The following FAM185A variants were observed in gnomAD, a reference collection of about 807,000 sequenced individuals.
FAM185A encodes the protein family with sequence similarity 185 member A, also known as protein FAM185A.
A neutral mutation model predicts 45.7 loss-of-function variants in FAM185A; 21 were observed. That is an observed-to-expected ratio of 0.46 (90% CI 0.33 to 0.66). The LOEUF (loss-of-function observed/expected upper bound fraction) is 0.66. FAM185A is among the 30% of genes least tolerant of loss of function. FAM185A has a pLI of 0.03. For synonymous variants in FAM185A, 117 were observed against 194.0 expected (o/e 0.60, Z 3.30); for missense variants, 305 against 485.4 (o/e 0.63, Z 3.49).
intron 4 of FAM185A, among the ~76,000 whole-genome samples, chr7:102,763,693 G>A (rs990708509): frequency 2.0e-5 from 3 of 152,190 alleles, no homozygotes; most frequent in African/African-American, 7.2e-5. Flanking sequence ...CCCAAAGACG[G>A]CTGACAGCTG....
chr7:102,826,725 A>T, the FAM185A span, among the ~76,000 whole-genome samples: 274 of 4,822 alleles, frequency 0.057, 2 homozygotes, highest in African/African-American at 0.19. Flanking sequence ...ACCCTGTCTC[A>T]TATATATATA....
chr7:102,833,899 C>A, the FAM185A span, among the ~76,000 whole-genome samples: 1 of 151,700 alleles, frequency 6.6e-6, no homozygotes, highest in Non-Finnish European at 1.5e-5. Flanking sequence ...TGATAAGAAT[C>A]CATGAGGAAA....
At chr7:102,772,385 A>C in intron 4 of FAM185A, 24 bp from the exon 5 acceptor site, 1 of 1,499,726 alleles carries the variant, frequency 6.7e-7, no homozygotes, top group East Asian at 2.5e-5. Context: ...CTAGTACATA[A>C]AAGTATCTTT....
Position 102,749,670 on chromosome 7 carries a change from G to A in FAM185A, c.451+12G>A, listed in dbSNP as rs1584262846. On this transcript the variant is annotated intron_variant, in intron 1 of 7. Coordinates refer to ENST00000413034, the MANE Select transcript of FAM185A (RefSeq NM_001145268.2). ...GCCCCTGAAGTTTGGCAAGTGAAGTGAAGTGAAAACGGGTTTGGGTCCCAG... is the reference window on the plus strand; with the variant it reads ...GCCCCTGAAGTTTGGCAAGTGAAGTAAAGTGAAAACGGGTTTGGGTCCCAG... 3 of 1,474,732 alleles carry A rather than the reference G, an allele frequency of 2.0e-6. No homozygotes were observed. In the East Asian group the frequency reaches 7.4e-5, roughly 36 times the overall value. The allele number at this position is 1,474,732 out of a possible 1,614,324, so 91.4% of individuals were successfully genotyped here. A position where few individuals can be genotyped will look rare whatever the true frequency, so the allele number is the denominator to read the frequency against.
chr7:102,828,084 ATG>A, the FAM185A span, among the ~76,000 whole-genome samples: 1 of 152,138 alleles, frequency 6.6e-6, no homozygotes, highest in African/African-American at 2.4e-5. Context: ...TTGGTTCCAT[ATG>A]AACTTTAAAG....
chr7:102,847,730 T>A, the FAM185A span, among the ~76,000 whole-genome samples: 2 of 152,102 alleles, frequency 1.3e-5, no homozygotes, highest in Non-Finnish European at 2.9e-5. Flanking sequence ...GGTTTCACCA[T>A]GTTGGGCAGG....
At chr7:102,831,394 G>GACACACACACACACACAC in the FAM185A span, among the ~76,000 whole-genome samples, 2 of 141,568 alleles carry the variant, frequency 1.4e-5, no homozygotes, top group African/African-American at 5.4e-5. Flanking sequence ...CAGTGCCCGG[G>GACACACACACACACACAC]ACACACACAC....
the FAM185A span, among the ~76,000 whole-genome samples, chr7:102,831,130 C>T: frequency 6.6e-6 from 1 of 152,154 alleles, no homozygotes; most frequent in Non-Finnish European, 1.5e-5. Flanking sequence ...AATCTCCCAC[C>T]TGGAGAAGAA....
At chr7:102,836,877 C>T in the FAM185A span, among the ~76,000 whole-genome samples, 4 of 152,346 alleles carry the variant, frequency 2.6e-5, no homozygotes, top group East Asian at 3.9e-4. Context: ...AAGCTCACTT[C>T]GTGTTGCATA....
the FAM185A span, among the ~76,000 whole-genome samples, chr7:102,839,440 C>A: frequency 1.3e-5 from 2 of 152,200 alleles, no homozygotes; most frequent in South Asian, 2.1e-4. Flanking sequence ...TGTCTTATTT[C>A]TTTTCTCAGT....
At chr7:102,822,632 T>A in the FAM185A span, among the ~76,000 whole-genome samples, 1 of 152,238 alleles carries the variant, frequency 6.6e-6, no homozygotes, top group East Asian at 1.9e-4. Context: ...ATTCAATTCA[T>A]AACAAATAGA....
rs1416574842 is a variant in FAM185A, at chr7:102,749,290, G to A, written c.83G>A (p.Arg28His). ...RQVRLWAGAG[R>H]WACWACQARP... ...GTCCGACTGTGGGCTGGCGCTGGGC[G>A]CTGGGCTTGCTGGGCTTGCCAAGCC... is the stretch of plus-strand genomic sequence containing the variant. The change falls in exon 1 of 8, where the codon CGC (arginine) becomes CAC (histidine). Residue 28 changes from arginine (R) to histidine (H), a missense_variant. Arg to His is a conservative substitution (Grantham distance 29). Transcript: ENST00000413034. The A allele has an allele frequency of 6.5e-7, 1 of 1,549,702 alleles. No individual in the cohort carries two copies. Among genetic ancestry groups the A allele is most frequent in the African/African-American group, 1.4e-5 (1 of 73,028 alleles).
At chr7:102,788,731 A>C (rs1795973437) in intron 7 of FAM185A, among the ~76,000 whole-genome samples, 1 of 152,230 alleles carries the variant, frequency 6.6e-6, no homozygotes, top group African/African-American at 2.4e-5. Flanking sequence ...AACATTACAG[A>C]GTGAACTTAT....
chr7:102,752,562 G>A (rs980489333), intron 2 of FAM185A, among the ~76,000 whole-genome samples: 21 of 151,374 alleles, frequency 1.4e-4, no homozygotes, highest in African/African-American at 4.6e-4. Context: ...GAGCCACTGC[G>A]TCCGGCTGTA....
At chr7:102,849,612 T>C in the FAM185A span, among the ~76,000 whole-genome samples, 1 of 152,216 alleles carries the variant, frequency 6.6e-6, no homozygotes, top group Non-Finnish European at 1.5e-5. Context: ...ATTTACTCAC[T>C]TTATTTTATT....
chr7:102,841,278 T>G, the FAM185A span, among the ~76,000 whole-genome samples: 2 of 152,138 alleles, frequency 1.3e-5, no homozygotes, highest in African/African-American at 4.8e-5. Flanking sequence ...TTGGCAAGTT[T>G]CATCTTACAA....
chr7:102,807,868 G>C (rs1425472232), intron 7 of FAM185A, among the ~76,000 whole-genome samples: 1 of 152,146 alleles, frequency 6.6e-6, no homozygotes, highest in East Asian at 1.9e-4. Context: ...AAACCAGCCT[G>C]GCCAACATGG....
Position 102,793,326 on chromosome 7 carries a change from C to T in FAM185A, c.1066+5857C>T, listed in dbSNP as rs1203530998. Among the ~76,000 whole-genome samples the T allele has an allele frequency of 2.0e-5, 3 of 152,094 alleles. No individual in the cohort carries two copies. In the East Asian group the frequency reaches 5.8e-4, roughly 29 times the overall value. On this transcript the variant is annotated intron_variant, in intron 7 of 7. Transcript: ENST00000413034. The stretch of plus-strand genomic sequence containing the variant: ...TCCCGGGTTCCAGGGGTTCTTCTGC[C>T]TCAGCCTCCTGAGTAGCTGGGACTA...
intron 6 of FAM185A, among the ~76,000 whole-genome samples, chr7:102,781,089 A>T (rs369148253): frequency 6.6e-6 from 1 of 152,142 alleles, no homozygotes; most frequent in South Asian, 2.1e-4. Flanking sequence ...GAGATCAAAC[A>T]GCAAGGCAGC....
Sources: allele counts gnomAD v4.1 joint callset (sites outside exome capture counted in the v4.1 genomes callset), GRCh38; gene constraint gnomAD v4.1.1; transcripts MANE v1.5; gene names NCBI Gene and HGNC (gene_info 2026-07-23, HGNC 2026-07-21).